The following FRMD6 variants were observed in gnomAD, a reference collection of about 807,000 sequenced individuals.
The protein encoded by FRMD6 is FERM domain-containing protein 6.
A neutral mutation model predicts 73.2 loss-of-function variants in FRMD6; 37 were observed. That is an observed-to-expected ratio of 0.51 (90% CI 0.39 to 0.66). The LOEUF (loss-of-function observed/expected upper bound fraction) is 0.66, where lower values mean the gene tolerates loss of function less well. Among genes scored for constraint, FRMD6 ranks in the 30% least tolerant of loss-of-function variants. The pLI, the probability that FRMD6 is intolerant of heterozygous loss-of-function variation, is 0.00. For missense variants in FRMD6, 714 were observed against 780.5 expected, an observed-to-expected ratio of 0.91 and a Z score of 1.02; for synonymous variants, 273 against 282.2, an observed-to-expected ratio of 0.97 and a Z score of 0.33.
chr14:51,456,656 A>G, the FRMD6 span, among the ~76,000 whole-genome samples: 550 of 152,264 alleles, frequency 3.6e-3, 3 homozygotes, highest in African/African-American at 0.013. Flanking sequence ...ATATCCAGCA[A>G]TGCTCCAAAA....
At chr14:51,667,812 T>C in intron 1 of FRMD6, among the ~76,000 whole-genome samples, 1 of 152,342 alleles carries the variant, frequency 6.6e-6, no homozygotes, top group East Asian at 1.9e-4. Context: ...TAATTAAATC[T>C]TAAAAGTAAA....
intron 1 of FRMD6, among the ~76,000 whole-genome samples, chr14:51,520,556 T>C (rs555195456): frequency 1.3e-5 from 2 of 152,338 alleles, no homozygotes; most frequent in South Asian, 2.1e-4. Flanking sequence ...CAGGAGGTGA[T>C]GAATATACGA....
At chr14:51,646,742 T>G (rs963415558) in intron 2 of FRMD6, among the ~76,000 whole-genome samples, 1 of 151,402 alleles carries the variant, frequency 6.6e-6, no homozygotes, top group African/African-American at 2.4e-5. Flanking sequence ...TCTTCTATCT[T>G]CAGTCTTCTG....
At chr14:51,690,586 A>G (rs1173294228) in intron 2 of FRMD6, among the ~76,000 whole-genome samples, 1 of 152,154 alleles carries the variant, frequency 6.6e-6, no homozygotes, top group Non-Finnish European at 1.5e-5. Flanking sequence ...GGGTTTCACC[A>G]TATTGGCCAG....
chr14:51,404,041 T>TA, the FRMD6 span, among the ~76,000 whole-genome samples: 1 of 152,210 alleles, frequency 6.6e-6, no homozygotes, highest in African/African-American at 2.4e-5. Flanking sequence ...TGTCTAAGTG[T>TA]TATGTACCAC....
intron 2 of FRMD6, among the ~76,000 whole-genome samples, chr14:51,622,398 A>G (rs1409817305): frequency 6.6e-6 from 1 of 152,192 alleles, no homozygotes; most frequent in Non-Finnish European, 1.5e-5. Flanking sequence ...TATACCAGTG[A>G]AATTAGGATA....
chr14:51,425,561 A>G, the FRMD6 span, among the ~76,000 whole-genome samples: 1 of 151,896 alleles, frequency 6.6e-6, no homozygotes, highest in East Asian at 1.9e-4. Flanking sequence ...TCCAGTTCTC[A>G]TATTCTGTTC....
intron 1 of FRMD6, among the ~76,000 whole-genome samples, chr14:51,677,707 A>G (rs563080778): frequency 2.6e-5 from 4 of 152,050 alleles, no homozygotes; most frequent in East Asian, 3.9e-4. Flanking sequence ...TAGGTACCCA[A>G]ATTTTGGTTT....
the FRMD6 span, among the ~76,000 whole-genome samples, chr14:51,401,431 T>C: frequency 1.4e-4 from 21 of 152,318 alleles, no homozygotes; most frequent in African/African-American, 5.1e-4. Flanking sequence ...CACAAACAGT[T>C]TCCATGGTTT....
chr14:51,527,089 C>T (rs1400287849), intron 1 of FRMD6, among the ~76,000 whole-genome samples: 3 of 152,250 alleles, frequency 2.0e-5, no homozygotes, highest in Non-Finnish European at 4.4e-5. Flanking sequence ...GCTTCAACCT[C>T]TCTGTCTCTA....
At chr14:51,594,582 G>C (rs1889606929) in intron 2 of FRMD6, among the ~76,000 whole-genome samples, 1 of 152,072 alleles carries the variant, frequency 6.6e-6, no homozygotes, top group Admixed American at 6.6e-5. Context: ...ACCCGCCTCG[G>C]CCTCCCAAAG....
At chr14:51,508,131 G>A (rs559020656) in intron 1 of FRMD6, among the ~76,000 whole-genome samples, 33 of 152,234 alleles carry the variant, frequency 2.2e-4, no homozygotes, top group Middle Eastern at 3.4e-3. Context: ...GCCTTGGCCC[G>A]GGCAATGAGC....
intron 1 of FRMD6, among the ~76,000 whole-genome samples, chr14:51,686,308 A>C (rs1895147944): frequency 6.6e-6 from 1 of 152,160 alleles, no homozygotes. Context: ...CTAACAAATC[A>C]GTATTGATAC....
At chr14:51,713,199 A>G (rs963731234) in intron 9 of FRMD6, among the ~76,000 whole-genome samples, 4 of 152,274 alleles carry the variant, frequency 2.6e-5, no homozygotes, top group East Asian at 1.9e-4. Context: ...GCTCACTCCT[A>G]TAATCCCAGC....
intron 2 of FRMD6, among the ~76,000 whole-genome samples, chr14:51,643,281 T>G (rs4898705): frequency 0.2 from 30,300 of 151,936 alleles, 3,190 homozygotes; most frequent in African/African-American, 0.28. Flanking sequence ...CAGAGTGGGA[T>G]GAGGAACCTG....
At chr14:51,458,655 G>A in the FRMD6 span, among the ~76,000 whole-genome samples, 32 of 152,162 alleles carry the variant, frequency 2.1e-4, no homozygotes, top group African/African-American at 7.5e-4. Flanking sequence ...GAATTGAAAG[G>A]GCACCTGGAC....
chr14:51,569,700 C>T (rs1442263996), intron 1 of FRMD6, among the ~76,000 whole-genome samples: 1 of 151,592 alleles, frequency 6.6e-6, no homozygotes, highest in Non-Finnish European at 1.5e-5. Flanking sequence ...CAGGGTTTTG[C>T]CATGTTGCCC....
At chr14:51,425,225 T>C in the FRMD6 span, among the ~76,000 whole-genome samples, 8 of 152,132 alleles carry the variant, frequency 5.3e-5, no homozygotes, top group Non-Finnish European at 7.4e-5. Flanking sequence ...CCTGCCCTGG[T>C]CTTGGCTCCC....
chr14:51,433,150 C>A, the FRMD6 span, among the ~76,000 whole-genome samples: 1 of 152,330 alleles, frequency 6.6e-6, no homozygotes, highest in Non-Finnish European at 1.5e-5. Flanking sequence ...TACAAAGCTA[C>A]ATGTGCGTTT....
Sources: allele counts gnomAD v4.1 joint callset (sites outside exome capture counted in the v4.1 genomes callset), GRCh38; gene constraint gnomAD v4.1.1; transcripts MANE v1.5; gene names NCBI Gene and HGNC (gene_info 2026-07-23, HGNC 2026-07-21).